Variants in DMD observed in about 807,000 individuals in gnomAD.
The protein encoded by DMD is mutant dystrophin.
DMD carries 63 observed loss-of-function variants against 330.1 expected under a neutral mutation model. The observed-to-expected ratio is 0.19, with a 90% CI of 0.16 to 0.24. The LOEUF (loss-of-function observed/expected upper bound fraction) is 0.24, where lower values mean the gene tolerates loss of function less well. Ranked by LOEUF, DMD falls within the 10% of genes least tolerant of loss-of-function variation. DMD has a pLI of 1.00. For missense variants in DMD, 3,344 were observed against 2,684.1 expected, an observed-to-expected ratio of 1.25 and a Z score of -5.43; for synonymous variants, 1,223 against 959.8, an observed-to-expected ratio of 1.27 and a Z score of -5.07.
intron 21 of DMD, among the ~76,000 whole-genome samples, chrX:32,481,168 A>G (rs1225034923): frequency 9.1e-6 from 1 of 110,271 alleles, no homozygotes; most frequent in South Asian, 3.9e-4. Flanking sequence ...ATTTTCTTCT[A>G]CTGTCTCTGT....
chrX:31,651,950 T>A (rs2080478651), intron 54 of DMD, among the ~76,000 whole-genome samples: 1 of 111,745 alleles, frequency 8.9e-6, no homozygotes, highest in South Asian at 3.7e-4. Flanking sequence ...TCCCATCTCA[T>A]TCAGATTAAA....
intron 25 of DMD, among the ~76,000 whole-genome samples, chrX:32,463,174 A>T (rs982013309): frequency 5.4e-5 from 6 of 111,839 alleles, no homozygotes; most frequent in Non-Finnish European, 9.4e-5. Flanking sequence ...ATAATGACTA[A>T]GAATAGGATT....
intron 44 of DMD, among the ~76,000 whole-genome samples, chrX:32,160,301 C>T (rs2096844820): frequency 9.2e-6 from 1 of 108,858 alleles, no homozygotes; most frequent in Admixed American, 9.9e-5. Context: ...TGGCATGATC[C>T]CGGCTCACTG....
chrX:31,671,099 A>G (rs2081753564), intron 53 of DMD, among the ~76,000 whole-genome samples: 1 of 111,141 alleles, frequency 9.0e-6, no homozygotes, highest in Admixed American at 9.5e-5. Context: ...TTTTTAGCAG[A>G]GACGGGGTTT....
At chrX:32,353,872 C>A (rs1272883960) in intron 37 of DMD, among the ~76,000 whole-genome samples, 1 of 110,670 alleles carries the variant, frequency 9.0e-6, no homozygotes, top group Non-Finnish European at 1.9e-5. Flanking sequence ...TGCTTAACAA[C>A]TATTAATTGT....
chrX:32,625,112 A>G (rs1191988072), intron 11 of DMD, among the ~76,000 whole-genome samples: 4 of 111,990 alleles, frequency 3.6e-5, no homozygotes, highest in Non-Finnish European at 7.5e-5. Flanking sequence ...CGGAGGTTGC[A>G]GTGAGCTGAG....
At chrX:33,251,634 T>C (rs897256309) in intron 1 of DMD, among the ~76,000 whole-genome samples, 2 of 112,109 alleles carry the variant, frequency 1.8e-5, no homozygotes, top group Non-Finnish European at 3.8e-5. Context: ...GCAATAGATA[T>C]ATGACCATCA....
In DMD at chrX:32,531,853, A is replaced by G. The variant is rs747521121; in HGVS notation, c.2168+13306T>C. 8.0e-5 allele frequency among the ~76,000 whole-genome samples: 9 copies of G among 112,087 alleles called. No homozygotes were observed. In the East Asian group the frequency reaches 2.5e-3, roughly 31 times the overall value. On this transcript the variant is annotated intron_variant, in intron 17 of 78. Transcript: ENST00000357033. ...TTTTGACTACGCTATCTTGGATTAT[A>G]TGAGAATTTGATTGAAGTCTCTAAT...
intron 7 of DMD, among the ~76,000 whole-genome samples, chrX:32,709,326 A>G (rs1228830477): frequency 1.8e-5 from 2 of 112,315 alleles, no homozygotes; most frequent in Admixed American, 9.5e-5. Context: ...CACAAATATG[A>G]TGATGATAAG....
At chrX:32,169,573 C>A (rs1317166641) in intron 44 of DMD, among the ~76,000 whole-genome samples, 1 of 111,571 alleles carries the variant, frequency 9.0e-6, no homozygotes, top group East Asian at 2.8e-4. Flanking sequence ...GAAGGTGATG[C>A]TGGTGATCCA....
chrX:31,692,637 T>C (rs1489141974), intron 52 of DMD, among the ~76,000 whole-genome samples: 1 of 111,397 alleles, frequency 9.0e-6, no homozygotes, highest in Non-Finnish European at 1.9e-5. Context: ...CGATGAACAA[T>C]TATATACCAA....
intron 42 of DMD, among the ~76,000 whole-genome samples, chrX:32,303,508 T>C (rs1013998034): frequency 2.7e-5 from 3 of 111,432 alleles, no homozygotes; most frequent in African/African-American, 9.8e-5. Context: ...ATAGTGTTTA[T>C]AGACTTATAA....
At chrX:32,806,188 A>C (rs1472540466) in intron 7 of DMD, among the ~76,000 whole-genome samples, 1 of 112,169 alleles carries the variant, frequency 8.9e-6, no homozygotes, top group Admixed American at 9.5e-5. Flanking sequence ...TCAGGAGAGC[A>C]ATCTCACGTG....
rs773260999 is a variant in DMD at position 32,478,875 on chromosome X, G to A, written c.2803+6044C>T. Among the ~76,000 whole-genome samples the A allele has an allele frequency of 9.9e-5, 11 of 111,037 alleles. No individual in the cohort carries two copies. In the East Asian group the frequency reaches 3.1e-3, roughly 32 times the overall value. ...AGGAATTTTATCTAAGATCACCATA[G>A]AATTTGTTTTATAAGTCATAAAACT... On this transcript the variant is annotated intron_variant, in intron 21 of 78. Transcript: ENST00000357033.
In DMD at chrX:32,316,661, G is replaced by A. The variant is rs754919678; in HGVS notation, c.5923-6385C>T. Among the ~76,000 whole-genome samples the A allele has an allele frequency of 8.1e-5, 9 of 111,027 alleles. No homozygotes were observed. In the South Asian group the frequency reaches 1.1e-3, roughly 14 times the overall value. ...GTGAACTCATTTTCTAGAAAATTCCGTGTTATTAAGTTTGAATATTCTCAT... is the reference window on the plus strand; with the variant it reads ...GTGAACTCATTTTCTAGAAAATTCCATGTTATTAAGTTTGAATATTCTCAT... On this transcript the variant is annotated intron_variant, in intron 41 of 78. Coordinates refer to ENST00000357033, the MANE Select transcript of DMD (RefSeq NM_004006.3).
intron 1 of DMD, among the ~76,000 whole-genome samples, chrX:33,150,151 T>C (rs1298229266): frequency 9.0e-6 from 1 of 110,660 alleles, no homozygotes; most frequent in Non-Finnish European, 1.9e-5. Flanking sequence ...ATTGAAGGAA[T>C]CCCCTCTTAA....
chrX:33,154,799 C>A (rs1199212892), intron 1 of DMD, among the ~76,000 whole-genome samples: 2 of 111,673 alleles, frequency 1.8e-5, no homozygotes, highest in East Asian at 5.6e-4. Flanking sequence ...CAAAGGCAAG[C>A]CCATTTTACA....
intron 9 of DMD, among the ~76,000 whole-genome samples, chrX:32,696,775 C>T (rs946347890): frequency 3.6e-5 from 4 of 110,788 alleles, no homozygotes; most frequent in East Asian, 2.9e-4. Flanking sequence ...GTGATTTCAA[C>T]GGAGGGAATG....
chrX:32,687,930 T>C (rs779257081), intron 9 of DMD, among the ~76,000 whole-genome samples: 1 of 111,170 alleles, frequency 9.0e-6, no homozygotes, highest in Admixed American at 9.6e-5. Flanking sequence ...CACGAATTCT[T>C]ACTTCCATAA....
Sources: gnomAD v4.1 joint callset for allele counts (sites outside exome capture counted in the v4.1 genomes callset) on GRCh38, gnomAD v4.1.1 for gene constraint, MANE v1.5 for transcripts, NCBI Gene and HGNC (gene_info 2026-07-23, HGNC 2026-07-21) for gene names.